EYA1: variants seen among roughly 807,000 people sequenced by gnomAD.
The protein encoded by EYA1 is protein phosphatase EYA1.
EYA1 carries 16 observed loss-of-function variants against 82.0 expected under a neutral mutation model. The ratio of observed to expected loss-of-function variants is 0.20; its 90% CI spans 0.13 to 0.30. The LOEUF (loss-of-function observed/expected upper bound fraction) is 0.30, where lower values mean the gene tolerates loss of function less well. Among genes scored for constraint, EYA1 ranks in the 10% least tolerant of loss-of-function variants. EYA1 has a pLI of 1.00. For missense variants in EYA1, 633 were observed against 730.7 expected (o/e 0.87, Z 1.54); for synonymous variants, 261 against 264.4 (o/e 0.99, Z 0.12).
At chr8:71,374,764 C>A (rs1223842520) in intron 2 of EYA1, among the ~76,000 whole-genome samples, 1 of 152,074 alleles carries the variant, frequency 6.6e-6, no homozygotes, top group Admixed American at 6.6e-5. Flanking sequence ...TCAGTGTCCA[C>A]TGACAGATAA....
intron 7 of EYA1, among the ~76,000 whole-genome samples, chr8:71,311,614 T>C (rs1208281090): frequency 6.6e-6 from 1 of 152,208 alleles, no homozygotes; most frequent in Non-Finnish European, 1.5e-5. Context: ...AAGCTAACAC[T>C]GCGGAACAGG....
chr8:71,397,733 A>G (rs1829713181), intron 2 of EYA1, among the ~76,000 whole-genome samples: 1 of 151,552 alleles, frequency 6.6e-6, no homozygotes, highest in African/African-American at 2.4e-5. Flanking sequence ...TTTTTCCCTC[A>G]TTTCAACTTT....
intron 12 of EYA1, among the ~76,000 whole-genome samples, chr8:71,222,620 C>T (rs531236222): frequency 6.6e-6 from 1 of 152,342 alleles, no homozygotes; most frequent in South Asian, 2.1e-4. Flanking sequence ...GAGGCAGGTG[C>T]TCAGTTTCTC....
rs370088163 is a variant in EYA1 at position 71,378,188 on chromosome 8, TC to T, written c.34-21678del. Among the ~76,000 whole-genome samples, 136 of 151,826 alleles carry T rather than the reference TC, an allele frequency of 9.0e-4. 1 individual carries two copies. Among genetic ancestry groups the T allele is most frequent in the African/African-American group, 2.7e-3 (112 of 41,370 alleles). On this transcript the variant is annotated intron_variant, in intron 2 of 18. Coordinates refer to the EYA1 transcript ENST00000643681. ...TTCTTTTCTCAGCAATTATGATCCATCCCCCCTCCCACCCCCAGTCTTCCTG... is the reference window on the plus strand; with the variant it reads ...TTCTTTTCTCAGCAATTATGATCCATCCCCCTCCCACCCCCAGTCTTCCTG...
intron 2 of EYA1, among the ~76,000 whole-genome samples, chr8:71,457,463 T>C (rs1040402919): frequency 6.6e-6 from 1 of 152,140 alleles, no homozygotes; most frequent in Non-Finnish European, 1.5e-5. Flanking sequence ...CGTGCGCACG[T>C]ATGTTTATTG....
chr8:71,536,295 A>G (rs1814706682), intron 1 of EYA1, among the ~76,000 whole-genome samples: 1 of 152,192 alleles, frequency 6.6e-6, no homozygotes, highest in African/African-American at 2.4e-5. Flanking sequence ...CTGAACAAGG[A>G]TGAAAGAGAA....
At chr8:71,287,027 C>G (rs1818460728) in intron 9 of EYA1, among the ~76,000 whole-genome samples, 2 of 151,894 alleles carry the variant, frequency 1.3e-5, no homozygotes, top group South Asian at 4.2e-4. Flanking sequence ...GTCTTGGACT[C>G]CTGACTTCGT....
chr8:71,263,579 G>C (rs370071176), intron 11 of EYA1, among the ~76,000 whole-genome samples: 1 of 152,144 alleles, frequency 6.6e-6, no homozygotes, highest in African/African-American at 2.4e-5. Context: ...TTGAGTTCAC[G>C]GTCTAGTCAC....
chr8:71,317,798 A>G, intron 6 of EYA1, 109 bp from the exon 7 acceptor site: 1 of 1,064,230 alleles, frequency 9.4e-7, no homozygotes, highest in Non-Finnish European at 1.5e-6. Flanking sequence ...CCCCAATCTT[A>G]TCTCAAAAAT....
intron 2 of EYA1, among the ~76,000 whole-genome samples, chr8:71,379,748 C>A (rs1828586873): frequency 6.6e-6 from 1 of 152,184 alleles, no homozygotes; most frequent in Non-Finnish European, 1.5e-5. Flanking sequence ...ACTTTAAACT[C>A]CTTCATAGAT....
chr8:71,349,987 G>T lies in EYA1; in HGVS notation c.124+4795C>A, dbSNP rs184044078. Among the ~76,000 whole-genome samples the T allele has an allele frequency of 5.0e-4, 76 of 152,136 alleles. 2 individuals are homozygous for T. In the East Asian group the frequency reaches 0.014, roughly 27 times the overall value. On this transcript the variant is annotated intron_variant, in intron 3 of 17. Transcript: ENST00000340726. ...AATATTAAATCCTAACAAATTATTT[G>T]TTCATTCTTTTATGGCTTTTGTTTA...
intron 2 of EYA1, among the ~76,000 whole-genome samples, chr8:71,455,501 A>C (rs887847636): frequency 1.3e-5 from 2 of 152,216 alleles, no homozygotes; most frequent in African/African-American, 4.8e-5. Flanking sequence ...TCAATGCAAA[A>C]ATCCTCAATA....
At chr8:71,345,016 G>A (rs1194583049) in intron 3 of EYA1, among the ~76,000 whole-genome samples, 3 of 152,194 alleles carry the variant, frequency 2.0e-5, no homozygotes, top group Non-Finnish European at 4.4e-5. Flanking sequence ...TACCTGCAAA[G>A]GCTGTGCTTG....
At chr8:71,526,768 T>G (rs2129277594) in intron 2 of EYA1, among the ~76,000 whole-genome samples, 1 of 152,308 alleles carries the variant, frequency 6.6e-6, no homozygotes, top group African/African-American at 2.4e-5. Context: ...CACTGTCACT[T>G]CTGCTGTTTT....
chr8:71,453,046 T>C (rs947447591), intron 2 of EYA1, among the ~76,000 whole-genome samples: 2 of 152,122 alleles, frequency 1.3e-5, no homozygotes, highest in Admixed American at 6.5e-5. Context: ...AATGGCTAAC[T>C]AGAATAACCA....
At chr8:71,248,630 A>T (rs1179531985) in intron 11 of EYA1, among the ~76,000 whole-genome samples, 2 of 152,220 alleles carry the variant, frequency 1.3e-5, no homozygotes, top group African/African-American at 4.8e-5. Flanking sequence ...TCTCACCCTG[A>T]GTGTTTTACC....
At chr8:71,338,388 G>A (rs993128626) in intron 3 of EYA1, among the ~76,000 whole-genome samples, 9 of 152,204 alleles carry the variant, frequency 5.9e-5, no homozygotes, top group African/African-American at 2.2e-4. Context: ...ATAATTCCAG[G>A]AGAAAATGTG....
chr8:71,427,857 C>A (rs1160995764), intron 2 of EYA1, among the ~76,000 whole-genome samples: 1 of 151,342 alleles, frequency 6.6e-6, no homozygotes, highest in Admixed American at 6.6e-5. Context: ...CCTATTTCTA[C>A]AAAAAATAAA....
intron 2 of EYA1, among the ~76,000 whole-genome samples, chr8:71,501,477 A>C (rs964328384): frequency 6.6e-6 from 1 of 152,230 alleles, no homozygotes; most frequent in Non-Finnish European, 1.5e-5. Flanking sequence ...ATGTCAGTAA[A>C]GCTCTAACTA....
Sources: gnomAD v4.1 joint callset for allele counts (sites outside exome capture counted in the v4.1 genomes callset) on GRCh38, gnomAD v4.1.1 for gene constraint, MANE v1.5 for transcripts, NCBI Gene and HGNC (gene_info 2026-07-23, HGNC 2026-07-21) for gene names.